The following SDK1 variants were observed in gnomAD, a reference collection of about 807,000 sequenced individuals.
SDK1 encodes sidekick cell adhesion molecule 1.
A neutral mutation model predicts 245.5 loss-of-function variants in SDK1; 157 were observed. The ratio of observed to expected loss-of-function variants is 0.64; its 90% CI spans 0.56 to 0.73. The LOEUF is 0.73. Among genes scored for constraint, SDK1 ranks in the 30% least tolerant of loss-of-function variants. The pLI is 0.00. For missense variants in SDK1, 3,583 were observed against 3,002.3 expected (o/e 1.19, Z -4.52); for synonymous variants, 1,647 against 1,278.5 (o/e 1.29, Z -6.15).
intron 22 of SDK1, among the ~76,000 whole-genome samples, chr7:4,083,759 CTCCCTCCCTCCCTTCTTT>C: frequency 3.9e-3 from 1 of 256 alleles, no homozygotes; most frequent in Non-Finnish European, 8.5e-3. Context: ...TACTTCCTGT[CTCCCTCCCTCCCTTCTTT>C]CCTCCCTCCT....
chr7:3,866,772 T>A lies in SDK1; in HGVS notation c.847+45189T>A, dbSNP rs144291455. On this transcript the variant is annotated intron_variant, in intron 5 of 44. Coordinates refer to ENST00000404826, the MANE Select transcript of SDK1 (RefSeq NM_152744.4). ...CCCAGGGCACAGGAATGGCATGCTGTGTTTAGGGATACTGGCTGTGGAGGA... is the reference window on the plus strand; with the variant it reads ...CCCAGGGCACAGGAATGGCATGCTGAGTTTAGGGATACTGGCTGTGGAGGA... Among the ~76,000 whole-genome samples the A allele has an allele frequency of 4.8e-3, 738 of 152,228 alleles. 7 individuals are homozygous for A. Among genetic ancestry groups the A allele is most frequent in the African/African-American group, 0.017 (691 of 41,532 alleles).
chr7:3,918,074 C>G (rs1268841522), intron 5 of SDK1, among the ~76,000 whole-genome samples: 1 of 152,186 alleles, frequency 6.6e-6, no homozygotes, highest in African/African-American at 2.4e-5. Flanking sequence ...ACAGAGGAAC[C>G]TTTCTTAGAC....
intron 25 of SDK1, among the ~76,000 whole-genome samples, chr7:4,123,879 G>A (rs753955548): frequency 1.3e-5 from 2 of 152,230 alleles, no homozygotes; most frequent in Non-Finnish European, 2.9e-5. Flanking sequence ...AGGGAAGGGA[G>A]AGATGCTGCC....
Position 3,374,705 on chromosome 7 carries a change from C to T in SDK1, c.298+72821C>T, listed in dbSNP as rs570236178. Among the ~76,000 whole-genome samples the T allele has an allele frequency of 7.9e-5, 12 of 152,226 alleles. No homozygotes were observed. The South Asian group carries it at 2.5e-3, about 32-fold the overall frequency. On this transcript the variant is annotated intron_variant, in intron 1 of 44. Coordinates refer to ENST00000404826, the MANE Select transcript of SDK1 (RefSeq NM_152744.4). ...TAACCATGCTCTGCTCCTCCAGTCCCCACTACACACACCCACACCCCCACA... is the reference window on the plus strand; with the variant it reads ...TAACCATGCTCTGCTCCTCCAGTCCTCACTACACACACCCACACCCCCACA...
At chr7:3,807,328 C>T (rs981205440) in intron 4 of SDK1, among the ~76,000 whole-genome samples, 23 of 152,184 alleles carry the variant, frequency 1.5e-4, no homozygotes, top group African/African-American at 5.3e-4. Context: ...AAGTGCTTAA[C>T]GCTGACACAC....
chr7:3,969,134 G>T (rs1782293000), intron 10 of SDK1, 123 bp from the exon 11 acceptor site: 4 of 854,380 alleles, frequency 4.7e-6, no homozygotes, highest in Non-Finnish European at 6.9e-6. Flanking sequence ...ATTGCAATTC[G>T]AGACGAGACT....
At chr7:3,352,228 C>T (rs1402075182) in intron 1 of SDK1, among the ~76,000 whole-genome samples, 1 of 150,674 alleles carries the variant, frequency 6.6e-6, no homozygotes, top group East Asian at 1.9e-4. Flanking sequence ...GTACTTCTGA[C>T]CCTACTAAAT....
In SDK1 at chr7:4,224,711, A is replaced by G. The variant is rs921604941; in HGVS notation, c.5827+3347A>G. ...CAGGGACCCATGGTGCCGAGAGCAG[A>G]TTAAAAAGCCTGTAATCCCAGCACT... On this transcript the variant is annotated intron_variant, in intron 40 of 44. Transcript: ENST00000404826. 6.6e-5 allele frequency among the ~76,000 whole-genome samples: 10 copies of G among 152,062 alleles called. No homozygotes were observed. The East Asian group carries it at 1.4e-3, about 21-fold the overall frequency.
intron 4 of SDK1, among the ~76,000 whole-genome samples, chr7:3,650,860 G>T (rs1782993148): frequency 2.0e-5 from 3 of 146,780 alleles, no homozygotes; most frequent in Non-Finnish European, 1.5e-5. Flanking sequence ...ATAATTCCCT[G>T]ATTCATCCAG....
intron 5 of SDK1, among the ~76,000 whole-genome samples, chr7:3,873,487 C>G (rs1781005902): frequency 6.6e-6 from 1 of 152,008 alleles, no homozygotes; most frequent in Non-Finnish European, 1.5e-5. Context: ...TGGTGTCTGT[C>G]ACTAATTTTG....
rs142988241 is a variant in SDK1, at chr7:4,119,068, T to C, written c.3823+4794T>C. Among the ~76,000 whole-genome samples, 476 of 148,542 alleles carry C rather than the reference T, an allele frequency of 3.2e-3. 24 individuals carry two copies. Among genetic ancestry groups the C allele is most frequent in the Admixed American group, 0.029 (426 of 14,944 alleles). Reference sequence around the variant, plus strand: ...GTTGAATTGTACAATTTAGGGGAATTGTATGATATATTAATAATCTCACAA... The same window carrying C: ...GTTGAATTGTACAATTTAGGGGAATCGTATGATATATTAATAATCTCACAA... On this transcript the variant is annotated intron_variant, in intron 25 of 44. Transcript: ENST00000404826.
chr7:3,705,848 AG>A (rs1784872363), intron 4 of SDK1, among the ~76,000 whole-genome samples: 1 of 152,028 alleles, frequency 6.6e-6, no homozygotes, highest in Admixed American at 6.6e-5. Flanking sequence ...GTTCTCAGGG[AG>A]AATACTTGCA....
intron 4 of SDK1, among the ~76,000 whole-genome samples, chr7:3,696,206 G>A (rs1423932564): frequency 3.9e-5 from 6 of 152,050 alleles, no homozygotes; most frequent in African/African-American, 1.4e-4. Context: ...TCTCCACTGT[G>A]AGACTCCCCT....
chr7:4,207,195 C>T (rs557430182), intron 36 of SDK1, among the ~76,000 whole-genome samples: 5 of 152,298 alleles, frequency 3.3e-5, no homozygotes, highest in African/African-American at 7.2e-5. Flanking sequence ...GCGAGGCAGG[C>T]GTGCCAGCCC....
intron 5 of SDK1, among the ~76,000 whole-genome samples, chr7:3,878,619 T>G (rs6958535): frequency 6.6e-6 from 1 of 152,236 alleles, no homozygotes; most frequent in East Asian, 1.9e-4. Context: ...TTATCGGAAT[T>G]GGTGAAATCT....
intron 19 of SDK1, among the ~76,000 whole-genome samples, chr7:4,064,513 C>T (rs751473885): frequency 6.6e-6 from 1 of 152,000 alleles, no homozygotes; most frequent in East Asian, 1.9e-4. Flanking sequence ...TATAAGTTTT[C>T]AAAAAACTAA....
At chr7:3,562,913 A>G (rs1000204838) in intron 1 of SDK1, among the ~76,000 whole-genome samples, 1 of 38,994 alleles carries the variant, frequency 2.6e-5, no homozygotes, top group East Asian at 6.0e-4. Context: ...GGCAGCTACA[A>G]GAGATAGGGG....
intron 35 of SDK1, among the ~76,000 whole-genome samples, chr7:4,202,285 A>C (rs1053140287): frequency 6.6e-6 from 1 of 152,180 alleles, no homozygotes; most frequent in South Asian, 2.1e-4. Context: ...TGGCAGCGTT[A>C]GGCTGGGATA....
intron 38 of SDK1, among the ~76,000 whole-genome samples, chr7:4,218,977 T>C (rs1051455218): frequency 2.0e-5 from 3 of 152,158 alleles, no homozygotes; most frequent in Non-Finnish European, 4.4e-5. Flanking sequence ...ATGTGTAATT[T>C]TCAATATTTA....
Sources: allele counts gnomAD v4.1 joint callset (sites outside exome capture counted in the v4.1 genomes callset), GRCh38; gene constraint gnomAD v4.1.1; transcripts MANE v1.5; gene names NCBI Gene and HGNC (gene_info 2026-07-23, HGNC 2026-07-21).